Variants in MAP2K6 observed in about 807,000 individuals in gnomAD.
MAP2K6 encodes mitogen-activated protein kinase kinase 6, also known as dual specificity mitogen-activated protein kinase kinase 6.
Under a neutral mutation model 53.7 loss-of-function variants are expected in MAP2K6, and 16 were observed. The ratio of observed to expected loss-of-function variants is 0.30; its 90% confidence interval spans 0.20 to 0.45. The LOEUF is 0.45. Ranked by LOEUF, MAP2K6 falls within the 20% of genes least tolerant of loss-of-function variation. The probability of loss-of-function intolerance (pLI) is 1.00; values close to 1 mark genes in which losing one functional copy is unlikely to be tolerated. For synonymous variants in MAP2K6, 132 were observed against 143.1 expected, an observed-to-expected ratio of 0.92 and a Z score of 0.55; for missense variants, 204 against 411.9, an observed-to-expected ratio of 0.50 and a Z score of 4.37.
intron 9 of MAP2K6, 34 bp downstream of exon 9, chr17:69,525,012 T>C: frequency 6.4e-7 from 1 of 1,572,138 alleles, no homozygotes; most frequent in South Asian, 1.1e-5. Context: ...ACTATGAGGT[T>C]GTGGGTAATG....
In MAP2K6 at chr17:69,544,449, G is replaced by A. The variant is rs1016462266; in HGVS notation, c.*2696G>A. 2 of 152,102 alleles carry A rather than the reference G, an allele frequency of 1.3e-5. No individual in the cohort carries two copies. Among genetic ancestry groups the A allele is most frequent in the African/African-American group, 2.4e-5 (1 of 41,424 alleles). 9.4% of individuals were successfully genotyped at this position (152,102 alleles called of 1,614,324 possible). On this transcript the variant is annotated 3_prime_UTR_variant, in exon 12 of 12. Coordinates refer to ENST00000590474, the MANE Select transcript of MAP2K6 (RefSeq NM_002758.4). Reference sequence around the variant, plus strand: ...AAGATACCTAAACTATATATAAATGGGGAGTATTCTGTACATATAGACTTA... The same window carrying A: ...AAGATACCTAAACTATATATAAATGAGGAGTATTCTGTACATATAGACTTA...
chr17:69,451,783 A>G (rs1306431937), intron 1 of MAP2K6, among the ~76,000 whole-genome samples: 1 of 152,138 alleles, frequency 6.6e-6, no homozygotes, highest in Non-Finnish European at 1.5e-5. Flanking sequence ...GCCCCTGCAG[A>G]GGGGCACATA....
intron 10 of MAP2K6, among the ~76,000 whole-genome samples, chr17:69,534,167 A>T (rs1911235780): frequency 6.6e-6 from 1 of 152,264 alleles, no homozygotes; most frequent in East Asian, 1.9e-4. Context: ...GACATTTTCC[A>T]TATATCCCCT....
chr17:69,452,224 C>T (rs993709500), intron 1 of MAP2K6, among the ~76,000 whole-genome samples: 3 of 150,974 alleles, frequency 2.0e-5, no homozygotes, highest in Non-Finnish European at 4.4e-5. Context: ...GTGTACAGGC[C>T]GGGGATGCTG....
At chr17:69,518,556 G>T (rs1910294534) in intron 4 of MAP2K6, among the ~76,000 whole-genome samples, 1 of 152,134 alleles carries the variant, frequency 6.6e-6, no homozygotes, top group African/African-American at 2.4e-5. Context: ...GTGTTTGGAG[G>T]ATCATAAAGA....
chr17:69,502,922 A>T (rs968108185), intron 1 of MAP2K6, among the ~76,000 whole-genome samples: 1 of 152,216 alleles, frequency 6.6e-6, no homozygotes, highest in East Asian at 1.9e-4. Context: ...GCTACTAATT[A>T]CTTGCTATAT....
chr17:69,521,181 C>G (rs41301823), intron 7 of MAP2K6, 81 bp downstream of exon 7: 69,550 of 1,259,606 alleles, frequency 0.055, 2,238 homozygotes, highest in Non-Finnish European at 0.064. Context: ...ACCCCCAGTC[C>G]CCCATGGGTG....
At chr17:69,481,889 C>T (rs1209670032) in intron 1 of MAP2K6, among the ~76,000 whole-genome samples, 1 of 152,142 alleles carries the variant, frequency 6.6e-6, no homozygotes, top group East Asian at 1.9e-4. Context: ...TGATACCCCA[C>T]TTTCAATTCT....
chr17:69,486,009 A>G (rs1011993655), intron 1 of MAP2K6, among the ~76,000 whole-genome samples: 1 of 152,064 alleles, frequency 6.6e-6, no homozygotes, highest in Non-Finnish European at 1.5e-5. Flanking sequence ...GTATTTTCCT[A>G]TTTCCATTTA....
chr17:69,460,203 C>A (rs1293487228), intron 1 of MAP2K6, among the ~76,000 whole-genome samples: 1 of 152,094 alleles, frequency 6.6e-6, no homozygotes, highest in Non-Finnish European at 1.5e-5. Context: ...ATAAACATAA[C>A]AGATTGCTAA....
At chr17:69,449,349 G>T (rs958264414) in intron 1 of MAP2K6, among the ~76,000 whole-genome samples, 2 of 151,598 alleles carry the variant, frequency 1.3e-5, no homozygotes, top group Non-Finnish European at 2.9e-5. Context: ...AAAAGAAGTG[G>T]TATACAGCAA....
At chr17:69,539,196 T>C (rs1475834874) in intron 11 of MAP2K6, among the ~76,000 whole-genome samples, 1 of 152,228 alleles carries the variant, frequency 6.6e-6, no homozygotes, top group African/African-American at 2.4e-5. Context: ...TGAGGTGCTG[T>C]GCATGGGACA....
chr17:69,516,990 C>A, intron 3 of MAP2K6, 87 bp downstream of exon 3: 1 of 1,075,398 alleles, frequency 9.3e-7, no homozygotes, highest in Non-Finnish European at 1.4e-6. Flanking sequence ...CCCTAGCATG[C>A]TGTCAGGGGA....
chr17:69,524,007 G>A (rs375652457), intron 8 of MAP2K6, among the ~76,000 whole-genome samples: 1 of 152,016 alleles, frequency 6.6e-6, no homozygotes, highest in African/African-American at 2.4e-5. Context: ...CTTAGTCCTC[G>A]CACGGTGAAA....
At chr17:69,512,339 G>GTTTTTTTTTTTTTTTTT (rs746993199) in intron 2 of MAP2K6, among the ~76,000 whole-genome samples, 20 of 82,112 alleles carry the variant, frequency 2.4e-4, no homozygotes, top group Non-Finnish European at 3.2e-4. Context: ...TTTTTTTTTT[G>GTTTTTTTTTTTTTTTTT]TTTTTTTTTT....
chr17:69,521,803 G>A (rs1396493627), intron 7 of MAP2K6: 3 of 22,830 alleles, frequency 1.3e-4, no homozygotes, highest in Non-Finnish European at 2.5e-4. Flanking sequence ...TAAGATAAAT[G>A]TACAAAAAAA....
At chr17:69,441,479 T>G (rs1249727173) in intron 1 of MAP2K6, among the ~76,000 whole-genome samples, 1 of 152,226 alleles carries the variant, frequency 6.6e-6, no homozygotes, top group African/African-American at 2.4e-5. Flanking sequence ...TTCCATTTGG[T>G]TCTTCTTTGT....
chr17:69,505,578 C>A (rs1909424117), intron 1 of MAP2K6: 1 of 516,772 alleles, frequency 1.9e-6, no homozygotes, highest in Non-Finnish European at 3.5e-6. Context: ...TCATTCATGA[C>A]CACAGTCTGT....
At chr17:69,512,330 TTTTTTTTTG>T (rs1445440645) in intron 2 of MAP2K6, among the ~76,000 whole-genome samples, 20 of 76,722 alleles carry the variant, frequency 2.6e-4, no homozygotes, top group East Asian at 5.3e-4. Flanking sequence ...TTCTAAGTGT[TTTTTTTTTG>T]TTTTTTTTTT....
Sources: allele counts gnomAD v4.1 joint callset (sites outside exome capture counted in the v4.1 genomes callset), GRCh38; gene constraint gnomAD v4.1.1; transcripts MANE v1.5; gene names NCBI Gene and HGNC (gene_info 2026-07-23, HGNC 2026-07-21).